The following STAB2 variants were observed in gnomAD, a reference collection of about 807,000 sequenced individuals.
The protein encoded by STAB2 is stabilin-2.
In STAB2, 288 loss-of-function variants were observed where a neutral mutation model predicts 338.1. That is an observed-to-expected ratio of 0.85 (90% CI 0.77 to 0.94). The LOEUF is 0.94. STAB2 is among the 40% of genes least tolerant of loss of function. STAB2 has a pLI of 0.00. For missense variants in STAB2, 3,141 were observed against 3,210.1 expected, an observed-to-expected ratio of 0.98 and a Z score of 0.52; for synonymous variants, 1,202 against 1,193.3, an observed-to-expected ratio of 1.01 and a Z score of -0.15.
Position 103,622,085 on chromosome 12 carries a change from A to C in STAB2, c.461A>C (p.Asn154Thr). The C allele has an allele frequency of 6.2e-7, 1 of 1,614,214 alleles. No individual in the cohort carries two copies. The highest frequency in any genetic ancestry group is 1.1e-5 in the South Asian group (1 of 91,086). ...GCCTGTGAAACCTGTGCTGACGACAACTTATTTGGACCCAGCTGTTCATCA... is the reference window on the plus strand; with the variant it reads ...GCCTGTGAAACCTGTGCTGACGACACCTTATTTGGACCCAGCTGTTCATCA... ...GTACETCADD[N>T]LFGPSCSSVC... Residue 154 changes from asparagine (N) to threonine (T), a missense_variant, in exon 5 of 69, where the codon AAC becomes ACC. By Grantham distance (65) the Asn-to-Thr change is moderately conservative. Coordinates refer to ENST00000388887, the MANE Select transcript of STAB2 (RefSeq NM_017564.10).
intron 65 of STAB2, among the ~76,000 whole-genome samples, chr12:103,760,040 G>C (rs1884423268): frequency 3.9e-5 from 6 of 152,180 alleles, no homozygotes; most frequent in Admixed American, 3.3e-4. Context: ...AAGATAAGGA[G>C]TATTTCAGTA....
intron 17 of STAB2, among the ~76,000 whole-genome samples, chr12:103,661,644 T>C (rs1593195617): frequency 6.6e-6 from 1 of 152,148 alleles, no homozygotes; most frequent in Non-Finnish European, 1.5e-5. Context: ...GGAGCTGACA[T>C]CTTAGATAAA....
In STAB2 at chr12:103,753,090, G is replaced by C. The variant is rs1883805788; in HGVS notation, c.6581-130G>C. On this transcript the variant is annotated intron_variant, in intron 60 of 68. Transcript: ENST00000388887. ...ATGATGTACTTCAACATAACTTGAA[G>C]GGAAAGTGGCTTCTGGAGACACCCT... is the stretch of plus-strand genomic sequence containing the variant. The C allele has an allele frequency of 3.8e-6, 4 of 1,065,546 alleles. No individual in the cohort carries two copies. In the East Asian group the frequency reaches 1.0e-4, roughly 27 times the overall value. The allele number at this position is 1,065,546 out of a possible 1,614,324, so 66.0% of individuals were successfully genotyped here. A position where few individuals can be genotyped will look rare whatever the true frequency, so the allele number is the denominator to read the frequency against.
Position 103,761,346 on chromosome 12 carries a change from T to C in STAB2, c.7295T>C (p.Ile2432Thr), listed in dbSNP as rs752542360. Residue 2432 changes from isoleucine (I) to threonine (T), a missense_variant, in exon 66 of 69, where the codon ATC becomes ACC. Ile to Thr is a moderately conservative substitution (Grantham distance 89). Transcript: ENST00000388887. ...VDGRAILQWD[I>T]FASNGIIHVI... ...GGAAGAGCCATTCTGCAGTGGGACA[T>C]CTTTGCCTCCAATGGGATCATTCAT... is the stretch of plus-strand genomic sequence containing the variant. 1 of 1,614,080 alleles carries C rather than the reference T, an allele frequency of 6.2e-7. No individual in the cohort carries two copies. Among genetic ancestry groups the C allele is most frequent in the Middle Eastern group, 1.7e-4 (1 of 6,056 alleles).
At chr12:103,687,872 T>A (rs1207499882) in intron 27 of STAB2, among the ~76,000 whole-genome samples, 1 of 152,214 alleles carries the variant, frequency 6.6e-6, no homozygotes, top group African/African-American at 2.4e-5. Context: ...CAGCCTAAAT[T>A]CTGATTTGGA....
rs1219369429 is a variant in STAB2 at position 103,703,202 on chromosome 12, G to A, written c.3769G>A (p.Val1257Met). Reference sequence around the variant, plus strand: ...CACCAATGTAGCCACTGATAAGGGAGTGATCCATGGCTTGGGAAAAGTTCT... The same window carrying A: ...CACCAATGTAGCCACTGATAAGGGAATGATCCATGGCTTGGGAAAAGTTCT... Reference protein sequence around the residue: ...NYTNVATDKGVIHGLGKVLEI... With the variant: ...NYTNVATDKGMIHGLGKVLEI... Residue 1257 changes from valine (V) to methionine (M), a missense_variant, in exon 35 of 69, where the codon GTG becomes ATG. Coordinates refer to ENST00000388887, the MANE Select transcript of STAB2 (RefSeq NM_017564.10). 1.2e-6 allele frequency: 2 copies of A among 1,614,072 alleles called. No individual in the cohort carries two copies. The highest frequency in any genetic ancestry group is 1.7e-6 in the Non-Finnish European group (2 of 1,180,012).
chr12:103,610,331 T>A (rs1565958979), intron 3 of STAB2, among the ~76,000 whole-genome samples: 1 of 152,210 alleles, frequency 6.6e-6, no homozygotes, highest in Non-Finnish European at 1.5e-5. Flanking sequence ...CTTGTTTTGG[T>A]TGGTAAGCTA....
rs529388337 is a variant in STAB2 at position 103,606,115 on chromosome 12, T to C, written c.331+11605T>C. On this transcript the variant is annotated intron_variant, in intron 3 of 68. Transcript: ENST00000388887. ...TTTTAGGATCCTCTTTTGTCTCCTT[T>C]GTTGGCTTATTAGCTACACCCTTTG... Among the ~76,000 whole-genome samples the C allele has an allele frequency of 7.2e-5, 11 of 152,284 alleles. No homozygotes were observed. The South Asian group carries it at 2.3e-3, about 32-fold the overall frequency.
rs1262056739 is a variant in STAB2 at position 103,708,515 on chromosome 12, C to T, written c.4267C>T (p.Arg1423Ter). 1.5e-5 allele frequency: 24 copies of T among 1,613,860 alleles called. No homozygotes were observed. Among genetic ancestry groups the T allele is most frequent in the Non-Finnish European group, 1.7e-5 (20 of 1,179,908 alleles). ...DGSCDCDVGWRGVHCDNATTE... is the reference protein window; with the variant it reads ...DGSCDCDVGW ...CTCCTGTGACTGTGATGTTGGCTGG[C>T]GAGGAGTGCATTGTGACAATGGTAA... Residue 1423 changes from arginine (R) to a stop codon, truncating the protein, a stop_gained, in exon 39 of 69, where the codon CGA (arginine) becomes TGA (stop). Coordinates refer to ENST00000388887, the MANE Select transcript of STAB2 (RefSeq NM_017564.10). LOFTEE classifies it high-confidence loss of function.
At chr12:103,691,448 A>G (rs1428436622) in intron 30 of STAB2, among the ~76,000 whole-genome samples, 1 of 152,218 alleles carries the variant, frequency 6.6e-6, no homozygotes, top group Non-Finnish European at 1.5e-5. Context: ...ATATCTTATG[A>G]TAATTCTGGT....
At chr12:103,719,741 C>T (rs1288432772) in intron 44 of STAB2, among the ~76,000 whole-genome samples, 1 of 151,694 alleles carries the variant, frequency 6.6e-6, no homozygotes, top group Non-Finnish European at 1.5e-5. Flanking sequence ...GTTGCATCCA[C>T]AGTTGCATCC....
chr12:103,653,638 G>GGATGGATA (rs1204677474), intron 12 of STAB2, among the ~76,000 whole-genome samples: 2 of 148,190 alleles, frequency 1.3e-5, no homozygotes, highest in African/African-American at 5.0e-5. Context: ...ATGGATGGAT[G>GGATGGATA]GATACATGGA....
intron 44 of STAB2, among the ~76,000 whole-genome samples, chr12:103,720,735 C>T (rs1593281516): frequency 6.6e-6 from 1 of 152,324 alleles, no homozygotes; most frequent in South Asian, 2.1e-4. Context: ...GCTGCTTTAA[C>T]AGCACAGAGG....
chr12:103,598,779 C>T (rs1430240900), intron 3 of STAB2, among the ~76,000 whole-genome samples: 1 of 152,124 alleles, frequency 6.6e-6, no homozygotes, highest in African/African-American at 2.4e-5. Context: ...CAGCGTTGGC[C>T]AGCTCATAAA....
intron 19 of STAB2, 30 bp downstream of exon 19, chr12:103,666,383 A>G (rs1875104726): frequency 2.5e-6 from 4 of 1,612,870 alleles, no homozygotes; most frequent in African/African-American, 2.7e-5. Flanking sequence ...GAAAGCACAG[A>G]TCACCCAAGC....
At chr12:103,692,236 C>T (rs1278183736) in intron 30 of STAB2, among the ~76,000 whole-genome samples, 1 of 152,194 alleles carries the variant, frequency 6.6e-6, no homozygotes, top group Non-Finnish European at 1.5e-5. Flanking sequence ...GTAGCTGTCT[C>T]TGTACAAATT....
Position 103,726,121 on chromosome 12 carries a change from T to C in STAB2, c.4809T>C (p.Leu1603=). ...FTCRGSIYQE[L]PKNPKTSQYF... is the part of the protein sequence containing the mutation. ...AAACTACTCTTTGTTTGCAGGAGCT[T>C]CCCAAGAACCCGAAAACTTCCCAGT... Residue 1603 remains leucine (L), a synonymous_variant, in exon 46 of 69, where the codon CTT becomes CTC. Coordinates refer to ENST00000388887, the MANE Select transcript of STAB2 (RefSeq NM_017564.10). 6.2e-7 allele frequency: 1 copy of C among 1,613,946 alleles called. No homozygotes were observed. The highest frequency in any genetic ancestry group is 8.5e-7 in the Non-Finnish European group (1 of 1,179,860).
At chr12:103,606,033 C>A (rs1478056394) in intron 3 of STAB2, among the ~76,000 whole-genome samples, 2 of 151,958 alleles carry the variant, frequency 1.3e-5, no homozygotes, top group African/African-American at 2.4e-5. Flanking sequence ...TTTGTTCTAT[C>A]TGTTCTTTGT....
chr12:103,636,567 G>T (rs1228886345), intron 6 of STAB2, among the ~76,000 whole-genome samples: 1 of 152,076 alleles, frequency 6.6e-6, no homozygotes, highest in African/African-American at 2.4e-5. Flanking sequence ...GGGAATTGAG[G>T]TTTGGAAAAA....
Sources: allele counts gnomAD v4.1 joint callset (sites outside exome capture counted in the v4.1 genomes callset), GRCh38; gene constraint gnomAD v4.1.1; transcripts MANE v1.5; gene names NCBI Gene and HGNC (gene_info 2026-07-23, HGNC 2026-07-21).